The following ADCY8 variants were observed in gnomAD, a reference collection of about 807,000 sequenced individuals.
The protein encoded by ADCY8 is adenylate cyclase type 8.
ADCY8 carries 51 observed loss-of-function variants against 119.7 expected under a neutral mutation model. The observed-to-expected ratio is 0.43, with a 90% CI of 0.34 to 0.54. The LOEUF (loss-of-function observed/expected upper bound fraction) is 0.54, where lower values mean the gene tolerates loss of function less well. ADCY8 is among the 20% of genes least tolerant of loss of function. The pLI is 0.03. For synonymous variants in ADCY8, 665 were observed against 651.0 expected (o/e 1.02, Z -0.33); for missense variants, 1,383 against 1,598.8 (o/e 0.87, Z 2.30).
intron 1 of ADCY8, among the ~76,000 whole-genome samples, chr8:131,004,614 G>A (rs1195655734): frequency 6.6e-6 from 1 of 152,150 alleles, no homozygotes; most frequent in Non-Finnish European, 1.5e-5. Context: ...ATTCATCACG[G>A]TGCTGCTTCT....
At chr8:130,853,788 G>C (rs1817619180) in intron 9 of ADCY8, among the ~76,000 whole-genome samples, 1 of 152,126 alleles carries the variant, frequency 6.6e-6, no homozygotes, top group Admixed American at 6.5e-5. Flanking sequence ...CCAGTGGCAA[G>C]AGCAAAGTCT....
chr8:130,904,709 A>G (rs1819724401), intron 6 of ADCY8, among the ~76,000 whole-genome samples: 1 of 152,206 alleles, frequency 6.6e-6, no homozygotes, highest in Non-Finnish European at 1.5e-5. Flanking sequence ...TCACAAGTGA[A>G]GTGACTCATG....
At chr8:130,998,817 A>T (rs959937586) in intron 1 of ADCY8, among the ~76,000 whole-genome samples, 9 of 152,166 alleles carry the variant, frequency 5.9e-5, no homozygotes, top group Non-Finnish European at 1.2e-4. Flanking sequence ...TTTGTGGACT[A>T]CATAGAAAAG....
chr8:130,898,166 T>C (rs1000570511), intron 7 of ADCY8, among the ~76,000 whole-genome samples: 1 of 152,180 alleles, frequency 6.6e-6, no homozygotes, highest in African/African-American at 2.4e-5. Context: ...ATCTCTGTTA[T>C]TTACCAGCTA....
rs565193466 is a variant in ADCY8, at chr8:130,950,437, G to A, written c.1241+1431C>T. Among the ~76,000 whole-genome samples, 3 of 152,232 alleles carry A rather than the reference G, an allele frequency of 2.0e-5. No individual in the cohort carries two copies. In the East Asian group the frequency reaches 5.8e-4, roughly 29 times the overall value. ...GAATTGCAGTGGTGGCCGTGTCAGG[G>A]TTTGGGGGCTGGTTTGGGGACAGGG... On this transcript the variant is annotated intron_variant, in intron 3 of 17. Coordinates refer to ENST00000286355, the MANE Select transcript of ADCY8 (RefSeq NM_001115.3).
intron 1 of ADCY8, among the ~76,000 whole-genome samples, chr8:131,012,786 C>A (rs1004155233): frequency 6.6e-6 from 1 of 152,212 alleles, no homozygotes; most frequent in African/African-American, 2.4e-5. Context: ...CAGAACTCTC[C>A]GAAGTGTTGA....
chr8:130,787,065 A>G (rs1815269871), intron 15 of ADCY8, among the ~76,000 whole-genome samples: 1 of 152,150 alleles, frequency 6.6e-6, no homozygotes, highest in Admixed American at 6.5e-5. Context: ...TTGAAGGAAA[A>G]GAGCTGAGAG....
chr8:130,984,097 A>G (rs2130729590), intron 2 of ADCY8, among the ~76,000 whole-genome samples: 1 of 152,122 alleles, frequency 6.6e-6, no homozygotes, highest in East Asian at 1.9e-4. Flanking sequence ...AGGAGCCTGC[A>G]TGGGTGGGCT....
chr8:130,927,819 C>G (rs1419871330), intron 5 of ADCY8, among the ~76,000 whole-genome samples: 2 of 152,172 alleles, frequency 1.3e-5, no homozygotes, highest in Admixed American at 1.3e-4. Flanking sequence ...ACCGCTCTAG[C>G]TGGGACCTCC....
At chr8:130,983,245 C>T (rs528476315) in intron 2 of ADCY8, among the ~76,000 whole-genome samples, 1 of 152,290 alleles carries the variant, frequency 6.6e-6, no homozygotes, top group Admixed American at 6.5e-5. Context: ...GCGAGGGCTG[C>T]CTAATAGGAA....
Position 131,039,471 on chromosome 8 carries a change from G to T in ADCY8, c.863C>A (p.Pro288Gln). Residue 288 changes from proline (P) to glutamine (Q), a missense_variant, in exon 1 of 18, where the codon CCG (proline) becomes CAG (glutamine). Physicochemically the swap from Pro to Gln is moderately conservative, Grantham distance 76. Transcript: ENST00000286355. ...GCCGGCCAGGATGGCCCAGGTGAGC[G>T]GCAGCGGCAGCATACTGTAGGTGGC... is the stretch of plus-strand genomic sequence containing the variant. ...LFATYSMLPL[P>Q]LTWAILAGLG... 6.2e-7 allele frequency: 1 copy of T among 1,614,102 alleles called. No homozygotes were observed. The highest frequency in any genetic ancestry group is 8.5e-7 in the Non-Finnish European group (1 of 1,180,030).
intron 14 of ADCY8, among the ~76,000 whole-genome samples, chr8:130,807,280 G>A (rs1398234429): frequency 6.6e-6 from 1 of 152,212 alleles, no homozygotes; most frequent in Non-Finnish European, 1.5e-5. Context: ...GAGAAACTAT[G>A]TCTGAGACTT....
At chr8:130,929,027 C>A (rs1381354446) in intron 5 of ADCY8, among the ~76,000 whole-genome samples, 1 of 151,996 alleles carries the variant, frequency 6.6e-6, no homozygotes, top group Non-Finnish European at 1.5e-5. Context: ...AGATTGCATG[C>A]ATCAAATGAA....
At chr8:130,862,247 T>G (rs1196446608) in intron 9 of ADCY8, among the ~76,000 whole-genome samples, 1 of 152,172 alleles carries the variant, frequency 6.6e-6, no homozygotes, top group Non-Finnish European at 1.5e-5. Context: ...ATTAAATTGC[T>G]TTTTGTTCTG....
chr8:130,949,367 A>G (rs1377418103), intron 3 of ADCY8: 1 of 152,168 alleles, frequency 6.6e-6, no homozygotes, highest in Non-Finnish European at 1.5e-5. Flanking sequence ...GGTGACAGGT[A>G]CTTTCATCAT....
Position 131,039,733 on chromosome 8 carries a change from A to G in ADCY8, c.601T>C (p.Leu201=), listed in dbSNP as rs1156299387. 1 of 1,614,110 alleles carries G rather than the reference A, an allele frequency of 6.2e-7. No homozygotes were observed. The highest frequency in any genetic ancestry group is 1.1e-5 in the South Asian group (1 of 91,078). The change falls in exon 1 of 18, where the codon TTG becomes CTG. Residue 201 remains leucine, a synonymous_variant. Coordinates refer to ENST00000286355, the MANE Select transcript of ADCY8 (RefSeq NM_001115.3). ...LTKLTLLVLH[L]SLASAPMDPL... Reference sequence around the variant, plus strand: ...TCCATGGGGGCCGAGGCCAGGCTCAAGTGTAGGACCAAGAGAGTGAGTTTG... The same window carrying G: ...TCCATGGGGGCCGAGGCCAGGCTCAGGTGTAGGACCAAGAGAGTGAGTTTG...
chr8:130,964,702 A>G (rs977860134), intron 2 of ADCY8, among the ~76,000 whole-genome samples: 6 of 152,246 alleles, frequency 3.9e-5, no homozygotes, highest in Non-Finnish European at 8.8e-5. Flanking sequence ...CACTTTGGCT[A>G]TGGTCTCTGT....
Position 130,780,765 on chromosome 8 carries a change from A to G in ADCY8, c.3381T>C (p.Ser1127=). ...TCTCCTCTGGGACTTGGATCCGGCC[A>G]CTAACCCCCGTGCTGTCCATTCGGC... ...LASRMDSTGV[S]GRIQVPEETY... Residue 1127 remains serine (S), a synonymous_variant, in exon 18 of 18, where the codon AGT becomes AGC. Transcript: ENST00000286355. 6.2e-7 allele frequency: 1 copy of G among 1,614,162 alleles called. No individual in the cohort carries two copies. Among genetic ancestry groups the G allele is most frequent in the Non-Finnish European group, 8.5e-7 (1 of 1,180,018 alleles).
rs150100724 is a variant in ADCY8 at position 130,909,812 on chromosome 8, G to T, written c.1536C>A (p.Ser512=). 1.2e-6 allele frequency: 2 copies of T among 1,614,106 alleles called. No individual in the cohort carries two copies. Among genetic ancestry groups the T allele is most frequent in the East Asian group, 4.5e-5 (2 of 44,876 alleles). ...HDVDMRIGIH[S]GSVLCGVLGL... ...CCAAAACACCGCACAGCACCGAGCCGGAGTGGATTCCAATCCTCATGTCAA... is the reference window on the plus strand; with the variant it reads ...CCAAAACACCGCACAGCACCGAGCCTGAGTGGATTCCAATCCTCATGTCAA... Residue 512 remains serine (S), a synonymous_variant, in exon 6 of 18, where the codon TCC becomes TCA. Transcript: ENST00000286355.
Sources: allele counts gnomAD v4.1 joint callset (sites outside exome capture counted in the v4.1 genomes callset), GRCh38; gene constraint gnomAD v4.1.1; transcripts MANE v1.5; gene names NCBI Gene and HGNC (gene_info 2026-07-23, HGNC 2026-07-21).